The following PLXNA4 variants were observed in gnomAD, a reference collection of about 807,000 sequenced individuals.
PLXNA4 encodes the protein plexin-A4.
A neutral mutation model predicts 191.8 loss-of-function variants in PLXNA4; 44 were observed. That is an observed-to-expected ratio of 0.23 (90% CI 0.18 to 0.29). PLXNA4 has a LOEUF of 0.29. Among genes scored for constraint, PLXNA4 ranks in the 10% least tolerant of loss-of-function variants. The probability of loss-of-function intolerance (pLI) is 1.00; values close to 1 mark genes in which losing one functional copy is unlikely to be tolerated. For synonymous variants in PLXNA4, 1,082 were observed against 1,009.5 expected (o/e 1.07, Z -1.36); for missense variants, 1,800 against 2,488.8 (o/e 0.72, Z 5.89).
At chr7:132,403,643 C>T (rs1794088577) in intron 3 of PLXNA4, among the ~76,000 whole-genome samples, 1 of 152,122 alleles carries the variant, frequency 6.6e-6, no homozygotes, top group Non-Finnish European at 1.5e-5. Flanking sequence ...GCTTTTCCTC[C>T]ACTCTCTCTC....
chr7:132,577,527 C>G (rs911218802), upstream of PLXNA4, among the ~76,000 whole-genome samples: 3 of 151,902 alleles, frequency 2.0e-5, no homozygotes, highest in East Asian at 5.9e-4. Context: ...GAGCGGCCGG[C>G]AGAGGGGGCA....
Position 132,366,228 on chromosome 7 carries a change from A to G in PLXNA4, c.1372-68006T>C, listed in dbSNP as rs542702406. ...CTTTCTGAGTCTTGATTTTCCTACC[A>G]TTAAAAAAAGAGAGAGGCTAGGCAT... On this transcript the variant is annotated intron_variant, in intron 3 of 31. Transcript: ENST00000321063. Among the ~76,000 whole-genome samples the G allele has an allele frequency of 1.2e-4, 18 of 152,292 alleles. 1 individual carries two copies. In the East Asian group the frequency reaches 2.9e-3, roughly 24 times the overall value.
At chr7:132,470,915 G>A (rs1165079451) in intron 3 of PLXNA4, among the ~76,000 whole-genome samples, 2 of 152,224 alleles carry the variant, frequency 1.3e-5, no homozygotes, top group Admixed American at 6.5e-5. Context: ...TGAGACCCAT[G>A]TCAGATTTTT....
chr7:132,608,448 G>A (rs548677972), intron 2 of PLXNA4, among the ~76,000 whole-genome samples: 3 of 152,312 alleles, frequency 2.0e-5, no homozygotes, highest in African/African-American at 4.8e-5. Flanking sequence ...CACTGCACTC[G>A]AGGAACACTC....
At chr7:132,423,204 T>C (rs902774544) in intron 3 of PLXNA4, among the ~76,000 whole-genome samples, 1 of 152,258 alleles carries the variant, frequency 6.6e-6, no homozygotes, top group Non-Finnish European at 1.5e-5. Flanking sequence ...AGCACTGTGC[T>C]GGGTACTTTG....
intron 4 of PLXNA4, among the ~76,000 whole-genome samples, chr7:132,283,177 C>A (rs1397157856): frequency 6.6e-6 from 1 of 151,986 alleles, no homozygotes; most frequent in East Asian, 1.9e-4. Flanking sequence ...AGCTAGCATC[C>A]AACTTTAATT....
intron 4 of PLXNA4, among the ~76,000 whole-genome samples, chr7:132,259,306 C>T (rs920720935): frequency 2.0e-5 from 3 of 151,444 alleles, no homozygotes; most frequent in African/African-American, 7.3e-5. Context: ...TGTGGTGGCA[C>T]GCACCTGTAA....
chr7:132,279,324 G>A (rs1171495323), intron 4 of PLXNA4, among the ~76,000 whole-genome samples: 1 of 152,078 alleles, frequency 6.6e-6, no homozygotes, highest in Non-Finnish European at 1.5e-5. Flanking sequence ...TGACAGGTTG[G>A]AAAGCATTGA....
intron 3 of PLXNA4, among the ~76,000 whole-genome samples, chr7:132,333,673 T>C (rs1802688293): frequency 6.6e-6 from 1 of 152,120 alleles, no homozygotes; most frequent in African/African-American, 2.4e-5. Flanking sequence ...TGCCAAAAGA[T>C]GAGAGGCAAG....
intron 2 of PLXNA4, among the ~76,000 whole-genome samples, chr7:132,612,747 T>C (rs899504723): frequency 8.5e-5 from 13 of 152,132 alleles, no homozygotes; most frequent in African/African-American, 2.4e-4. Context: ...TAATTCTTTA[T>C]TGGGTGCAGG....
chr7:132,237,460 G>T (rs960589527), intron 5 of PLXNA4, among the ~76,000 whole-genome samples: 2 of 152,154 alleles, frequency 1.3e-5, no homozygotes, highest in Admixed American at 6.5e-5. Context: ...GTTGCCAGGG[G>T]GCTCTCCTTG....
At chr7:132,626,257 C>T (rs953667617) in intron 2 of PLXNA4, among the ~76,000 whole-genome samples, 5 of 152,196 alleles carry the variant, frequency 3.3e-5, no homozygotes, top group Non-Finnish European at 7.3e-5. Flanking sequence ...TCTTTTCTTA[C>T]CTACTGTAGT....
intron 9 of PLXNA4, among the ~76,000 whole-genome samples, chr7:132,212,199 C>T (rs146053183): frequency 2.0e-4 from 30 of 152,286 alleles, no homozygotes; most frequent in African/African-American, 7.0e-4. Context: ...GCATGACGCA[C>T]GTGTTCTTTC....
intron 2 of PLXNA4, among the ~76,000 whole-genome samples, chr7:132,591,738 C>T (rs1269678733): frequency 6.6e-6 from 1 of 152,188 alleles, no homozygotes; most frequent in Non-Finnish European, 1.5e-5. Flanking sequence ...CTGTCTCCAT[C>T]TCCCTTTCAG....
chr7:132,344,719 C>T (rs1460213852), intron 3 of PLXNA4, among the ~76,000 whole-genome samples: 3 of 152,202 alleles, frequency 2.0e-5, no homozygotes, highest in Non-Finnish European at 4.4e-5. Flanking sequence ...TCTATTTCTA[C>T]CTTTGTCCTC....
At position 132,312,094 on chromosome 7, in the gene PLXNA4, C is replaced by A. The variant is rs570872882; in HGVS notation, c.1372-13872G>T. ...CTAAAGACATCCTCCTCCAATCAGA[C>A]GGGTGACCTTTGATCCCAGTGAGGG... On this transcript the variant is annotated intron_variant, in intron 3 of 31. Coordinates refer to ENST00000321063, the MANE Select transcript of PLXNA4 (RefSeq NM_020911.2). 2.0e-5 allele frequency among the ~76,000 whole-genome samples: 3 copies of A among 151,832 alleles called. No individual in the cohort carries two copies. In the East Asian group the frequency reaches 5.8e-4, roughly 29 times the overall value.
Position 132,203,438 on chromosome 7 carries a change from G to A in PLXNA4, c.2299-19C>T. On this transcript the variant is annotated intron_variant, in intron 10 of 31. Coordinates refer to ENST00000321063, the MANE Select transcript of PLXNA4 (RefSeq NM_020911.2). The stretch of plus-strand genomic sequence containing the variant: ...AGGAATACTGCAGCCAGGTCGGGGA[G>A]GAGGAAAGAAGAAAGTGGGGTCACA... 6.2e-7 allele frequency: 1 copy of A among 1,610,094 alleles called. No homozygotes were observed. The highest frequency in any genetic ancestry group is 8.5e-7 in the Non-Finnish European group (1 of 1,176,314).
intron 20 of PLXNA4, among the ~76,000 whole-genome samples, chr7:132,176,509 T>C (rs149612642): frequency 1.6e-4 from 24 of 152,258 alleles, no homozygotes; most frequent in African/African-American, 5.5e-4. Flanking sequence ...TGTCTGAGTG[T>C]GTATGTCAGG....
chr7:132,505,787 G>GACATGTCCAGA (rs1563139211), intron 2 of PLXNA4, among the ~76,000 whole-genome samples: 2 of 152,122 alleles, frequency 1.3e-5, no homozygotes. Context: ...GTGTCTAATA[G>GACATGTCCAGA]ACATGTCCAG....
Sources: allele counts gnomAD v4.1 joint callset (sites outside exome capture counted in the v4.1 genomes callset), GRCh38; gene constraint gnomAD v4.1.1; transcripts MANE v1.5; gene names NCBI Gene and HGNC (gene_info 2026-07-23, HGNC 2026-07-21).